The following PTGIR variants were observed in gnomAD, a reference collection of about 807,000 sequenced individuals.
PTGIR encodes prostacyclin receptor.
Under a neutral mutation model 17.6 loss-of-function variants are expected in PTGIR, and 16 were observed. The observed-to-expected ratio is 0.91, with a 90% CI of 0.61 to 1.38. The LOEUF is 1.38. PTGIR is among the 40% of genes most tolerant of loss of function. The pLI is 0.00. For synonymous variants in PTGIR, 274 were observed against 255.4 expected (o/e 1.07, Z -0.69); for missense variants, 532 against 548.6 (o/e 0.97, Z 0.30).
In PTGIR at chr19:46,624,177, G is replaced by A; in HGVS notation, c.49C>T (p.Pro17Ser). ...ACGAACATCAGGGTGCTGGTGGCCG[G>A]CCCCACCGAGCCCCGCACGTAGGTG... ...NLTYVRGSVG[P>S]ATSTLMFVAG... Residue 17 changes from proline to serine, a missense_variant, in exon 2 of 3, where the codon CCG becomes TCG. Physicochemically the swap from Pro to Ser is moderately conservative, Grantham distance 74. Coordinates refer to ENST00000291294, the MANE Select transcript of PTGIR (RefSeq NM_000960.4). The A allele has an allele frequency of 1.3e-6, 2 of 1,481,758 alleles. No individual in the cohort carries two copies. The highest frequency in any genetic ancestry group is 8.9e-7 in the Non-Finnish European group (1 of 1,123,512). 91.8% of individuals were successfully genotyped at this position (1,481,758 alleles called of 1,614,324 possible). A position where few individuals can be genotyped will look rare whatever the true frequency, so the allele number is the denominator to read the frequency against.
chr19:46,621,034 G>A lies in PTGIR; in HGVS notation c.*246C>T. The A allele has an allele frequency of 3.3e-6, 4 of 1,206,318 alleles. No individual in the cohort carries two copies. Among genetic ancestry groups the A allele is most frequent in the Non-Finnish European group, 4.1e-6 (4 of 971,304 alleles). The allele number at this position is 1,206,318 out of a possible 1,614,324, so 74.7% of individuals were successfully genotyped here. On this transcript the variant is annotated 3_prime_UTR_variant, in exon 3 of 3. Transcript: ENST00000291294. The surrounding 1 kb of genome is among the most constrained non-coding windows in gnomAD (Gnocchi z 4.8). ...GATGGGGAATCCAGGGCCAGAGCAG[G>A]TCGGCCAGGCCACTGGTTATTTTGA...
chr19:46,623,170 T>C (rs2052750429), intron 2 of PTGIR: 1 of 260,738 alleles, frequency 3.8e-6, no homozygotes, highest in Non-Finnish European at 7.2e-6. Flanking sequence ...TTATTTGTTG[T>C]ATTTTTAGTA....
intron 1 of PTGIR, chr19:46,624,454 C>T: frequency 2.2e-6 from 1 of 448,226 alleles, no homozygotes; most frequent in South Asian, 5.4e-5. Flanking sequence ...TTCTCTCTTT[C>T]TTTTCTTTCG....
chr19:46,616,775 C>T (rs1971968644), downstream of PTGIR, among the ~76,000 whole-genome samples: 1 of 152,228 alleles, frequency 6.6e-6, no homozygotes, highest in African/African-American at 2.4e-5. Context: ...TCTCCCCCAC[C>T]AAACTGAGCT....
chr19:46,611,509 C>T, the PTGIR span, among the ~76,000 whole-genome samples: 2 of 152,236 alleles, frequency 1.3e-5, no homozygotes, highest in Non-Finnish European at 2.9e-5. Flanking sequence ...AAGCCCAAAA[C>T]AATTGCAAAC....
At position 46,624,257 on chromosome 19, in the gene PTGIR, G is replaced by T. The variant is rs368007790; in HGVS notation, c.-12-20C>A. ...TCTGGGCTGGAGGGTTCCCAAGGTG[G>T]GGGGTCAGAGGGAGCCAGGGCTACC... On this transcript the variant is annotated intron_variant, in intron 1 of 2. Coordinates refer to ENST00000291294, the MANE Select transcript of PTGIR (RefSeq NM_000960.4). 4.2e-6 allele frequency: 6 copies of T among 1,416,948 alleles called. No individual in the cohort carries two copies. Among genetic ancestry groups the T allele is most frequent in the Middle Eastern group, 2.3e-4 (1 of 4,296 alleles). 87.8% of individuals were successfully genotyped at this position (1,416,948 alleles called of 1,614,324 possible).
At chr19:46,619,067 C>T (rs769412123), downstream of PTGIR, among the ~76,000 whole-genome samples, 1 of 152,176 alleles carries the variant, frequency 6.6e-6, no homozygotes, top group African/African-American at 2.4e-5. Flanking sequence ...AAGCTAAGTG[C>T]TAGATTATGA....
chr19:46,619,662 G>GAAAAGAAAAGA (rs375083652), downstream of PTGIR, among the ~76,000 whole-genome samples: 102 of 128,420 alleles, frequency 7.9e-4, 1 homozygote, highest in South Asian at 2.9e-3. Flanking sequence ...AGAAAAGAAA[G>GAAAAGAAAAGA]AAAGAAAGAA....
chr19:46,624,258 G>T, intron 1 of PTGIR, 21 bp from the exon 2 acceptor site: 1 of 1,416,872 alleles, frequency 7.1e-7, no homozygotes, highest in South Asian at 1.5e-5. Context: ...CCCAAGGTGG[G>T]GGGTCAGAGG....
chr19:46,614,823 C>T, the PTGIR span, among the ~76,000 whole-genome samples: 1 of 152,198 alleles, frequency 6.6e-6, no homozygotes, highest in African/African-American at 2.4e-5. Flanking sequence ...GAGTTCGAGA[C>T]CAGCCTGGCC....
chr19:46,611,407 C>G, the PTGIR span, among the ~76,000 whole-genome samples: 2 of 152,130 alleles, frequency 1.3e-5, no homozygotes. Context: ...CCAAAACATG[C>G]CAAGTTTGGA....
At chr19:46,619,633 G>A (rs1972026331), downstream of PTGIR, among the ~76,000 whole-genome samples, 1 of 137,752 alleles carries the variant, frequency 7.3e-6, no homozygotes, top group Admixed American at 7.1e-5. Context: ...AAGAAAGAAA[G>A]AAAGAAAGAA....
chr19:46,622,371 C>G, intron 2 of PTGIR: 1 of 985,448 alleles, frequency 1.0e-6, no homozygotes, highest in Non-Finnish European at 1.2e-6. Context: ...GCGAAAGACA[C>G]TGCCCCTCAT....
chr19:46,618,984 T>C (rs546469742), downstream of PTGIR, among the ~76,000 whole-genome samples: 1 of 152,346 alleles, frequency 6.6e-6, no homozygotes, highest in South Asian at 2.1e-4. Context: ...TGACATTTCT[T>C]ATGGGCTTTA....
At chr19:46,616,326 C>CTTT (rs1021116711), downstream of PTGIR, among the ~76,000 whole-genome samples, 2,288 of 66,536 alleles carry the variant, frequency 0.034, 382 homozygotes, top group East Asian at 0.16. Context: ...GACAGAAATG[C>CTTT]TTTTTTTTTT....
downstream of PTGIR, among the ~76,000 whole-genome samples, chr19:46,616,326 CTTTTTTTTTTTT>C (rs1021116711): frequency 1.3e-3 from 88 of 66,546 alleles, 1 homozygote; most frequent in Admixed American, 7.3e-4. Context: ...GACAGAAATG[CTTTTTTTTTTTT>C]TTTTTTTTTT....
chr19:46,622,692 A>ATTTGTTTTTGTTTTC lies in PTGIR; in HGVS notation c.768+751_768+765dup, dbSNP rs1414997080. 3 of 152,150 alleles carry ATTTGTTTTTGTTTTC rather than the reference A, an allele frequency of 2.0e-5. No homozygotes were observed. In the South Asian group the frequency reaches 6.2e-4, roughly 32 times the overall value. The allele number at this position is 152,150 out of a possible 1,614,324, so 9.4% of individuals were successfully genotyped here. A position where few individuals can be genotyped will look rare whatever the true frequency, so the allele number is the denominator to read the frequency against. On this transcript the variant is annotated intron_variant, in intron 2 of 2. Transcript: ENST00000291294. ...TGACTGAGGACCAAGCCTCTGTCTG[A>ATTTGTTTTTGTTTTC]TTTGTTTTTGTTTTCTTTGTTTTTG...
chr19:46,617,608 G>A (rs1971980710), downstream of PTGIR, among the ~76,000 whole-genome samples: 1 of 152,182 alleles, frequency 6.6e-6, no homozygotes, highest in South Asian at 2.1e-4. Context: ...GCTCAGCTCT[G>A]CCTGGTACAC....
rs754755149 is a variant in PTGIR, at chr19:46,624,177, GC to G, written c.48del (p.Pro17ArgfsTer6). 240 of 1,481,634 alleles carry G rather than the reference GC, an allele frequency of 1.6e-4. No individual in the cohort carries two copies. Among genetic ancestry groups the G allele is most frequent in the Non-Finnish European group, 2.0e-4 (228 of 1,123,514 alleles). 91.8% of individuals were successfully genotyped at this position (1,481,634 alleles called of 1,614,324 possible). ...RNLTYVRGSV[G>X]PATSTLMFVA... ...ACGAACATCAGGGTGCTGGTGGCCG[GC>G]CCCACCGAGCCCCGCACGTAGGTGA... is the stretch of plus-strand genomic sequence containing the variant. On this transcript the variant is annotated frameshift_variant, in exon 2 of 3. Transcript: ENST00000291294. LOFTEE classifies it high-confidence loss of function.
Sources: allele counts gnomAD v4.1 joint callset (sites outside exome capture counted in the v4.1 genomes callset), GRCh38; gene constraint gnomAD v4.1.1; non-coding constraint Gnocchi (gnomAD v3.1); transcripts MANE v1.5; gene names NCBI Gene and HGNC (gene_info 2026-07-23, HGNC 2026-07-21).